Variants in DZANK1 observed in about 807,000 individuals in gnomAD.
DZANK1 encodes the protein double zinc ribbon and ankyrin repeat-containing protein 1.
A neutral mutation model predicts 94.5 loss-of-function variants in DZANK1; 91 were observed. That is an observed-to-expected ratio of 0.96 (90% CI 0.81 to 1.15). The LOEUF (loss-of-function observed/expected upper bound fraction) is 1.15, where lower values mean the gene tolerates loss of function less well. Ranked by LOEUF, DZANK1 falls within the 50% of genes most tolerant of loss-of-function variation. DZANK1 has a pLI of 0.00. For synonymous variants in DZANK1, 312 were observed against 325.3 expected, an observed-to-expected ratio of 0.96 and a Z score of 0.44; for missense variants, 903 against 916.4, an observed-to-expected ratio of 0.99 and a Z score of 0.19.
intron 13 of DZANK1, among the ~76,000 whole-genome samples, chr20:18,408,877 C>T (rs546447075): frequency 1.3e-5 from 2 of 152,310 alleles, no homozygotes; most frequent in South Asian, 4.1e-4. Flanking sequence ...TAGCATAACA[C>T]TGGCATTGTG....
chr20:18,417,913 C>T (rs2057568533), intron 10 of DZANK1, among the ~76,000 whole-genome samples: 1 of 151,994 alleles, frequency 6.6e-6, no homozygotes, highest in East Asian at 1.9e-4. Flanking sequence ...CGGTGAAACA[C>T]CATGTCTACT....
intron 3 of DZANK1, among the ~76,000 whole-genome samples, chr20:18,459,631 A>G (rs1052519152): frequency 6.6e-6 from 1 of 152,146 alleles, no homozygotes; most frequent in Non-Finnish European, 1.5e-5. Flanking sequence ...TAGTGTTTCT[A>G]TATTTGAAAA....
chr20:18,434,645 C>G (rs988921341), intron 8 of DZANK1, among the ~76,000 whole-genome samples: 1 of 150,054 alleles, frequency 6.7e-6, no homozygotes. Context: ...AGATAACAAA[C>G]AGAAGTTCCT....
At chr20:18,385,373 C>T (rs1017251051) in intron 19 of DZANK1, among the ~76,000 whole-genome samples, 5 of 151,464 alleles carry the variant, frequency 3.3e-5, no homozygotes, top group Admixed American at 6.6e-5. Context: ...TAATAAATAC[C>T]ATTGTTCTAA....
chr20:18,424,767 A>G (rs1443648632), intron 10 of DZANK1, among the ~76,000 whole-genome samples: 1 of 152,242 alleles, frequency 6.6e-6, no homozygotes, highest in Non-Finnish European at 1.5e-5. Context: ...CATGTAATGC[A>G]GCATTATTCA....
At chr20:18,417,023 A>G (rs2057523235) in intron 10 of DZANK1, among the ~76,000 whole-genome samples, 1 of 68,124 alleles carries the variant, frequency 1.5e-5, no homozygotes. Context: ...GATCAAAAAA[A>G]CAAAAAAAAA....
intron 8 of DZANK1, 82 bp downstream of exon 8, chr20:18,443,265 T>C: frequency 1.1e-6 from 1 of 907,134 alleles, no homozygotes; most frequent in Non-Finnish European, 1.8e-6. Context: ...GTGCAGTTCA[T>C]GTGTACCAAG....
chr20:18,423,514 T>C (rs932024413), intron 10 of DZANK1, among the ~76,000 whole-genome samples: 1 of 152,194 alleles, frequency 6.6e-6, no homozygotes, highest in Non-Finnish European at 1.5e-5. Flanking sequence ...TACGCAACAA[T>C]GACAGAACAC....
At chr20:18,391,585 A>C (rs1371356145) in intron 17 of DZANK1, among the ~76,000 whole-genome samples, 1 of 152,206 alleles carries the variant, frequency 6.6e-6, no homozygotes, top group Non-Finnish European at 1.5e-5. Context: ...CTTTATATAT[A>C]AAGAATTTCA....
At chr20:18,460,304 T>G (rs1403755083) in exon 3 of DZANK1, 1 of 1,515,580 alleles carries the variant, frequency 6.6e-7, no homozygotes, top group Non-Finnish European at 8.9e-7. Flanking sequence ...ACATCTGGAG[T>G]GTCTGAAAAA....
At chr20:18,449,522 A>C (rs1439969584) in intron 6 of DZANK1, among the ~76,000 whole-genome samples, 1 of 152,098 alleles carries the variant, frequency 6.6e-6, no homozygotes. Flanking sequence ...ACCATGAGAC[A>C]GACCAGATTT....
At chr20:18,424,850 T>C (rs1227009850) in intron 10 of DZANK1, among the ~76,000 whole-genome samples, 9 of 151,810 alleles carry the variant, frequency 5.9e-5, no homozygotes, top group Non-Finnish European at 1.3e-4. Flanking sequence ...TGAGGAATAG[T>C]ACTCAACAAT....
chr20:18,396,678 G>A, intron 14 of DZANK1, 132 bp from the exon 15 acceptor site: 3 of 562,272 alleles, frequency 5.3e-6, no homozygotes, highest in South Asian at 3.0e-5. Context: ...AAGAAAGTAG[G>A]AAAAGAAAAA....
chr20:18,449,798 G>A (rs2059028888), intron 6 of DZANK1, among the ~76,000 whole-genome samples: 1 of 149,430 alleles, frequency 6.7e-6, no homozygotes, highest in Admixed American at 6.7e-5. Flanking sequence ...AATAAACTCG[G>A]CTGGGCACAG....
rs567884295 is a variant in DZANK1 at position 18,416,260 on chromosome 20, T to C, written c.955-811A>G. Among the ~76,000 whole-genome samples the C allele has an allele frequency of 5.3e-5, 8 of 152,278 alleles. No homozygotes were observed. In the South Asian group the frequency reaches 1.5e-3, roughly 28 times the overall value. Reference sequence around the variant, plus strand: ...ACTCCATACAGCCCCTTCAATACAATAGCTTACTCCCAGGTCTGTAGGGAG... The same window carrying C: ...ACTCCATACAGCCCCTTCAATACAACAGCTTACTCCCAGGTCTGTAGGGAG... On this transcript the variant is annotated intron_variant, in intron 10 of 20. Transcript: ENST00000262547.
exon 18 of DZANK1, chr20:18,390,452 T>C: frequency 6.2e-7 from 1 of 1,613,874 alleles, no homozygotes; most frequent in South Asian, 1.1e-5. Context: ...CAGGAGTCTG[T>C]TTTCAGGCTG....
At chr20:18,453,448 C>T (rs770307491) in intron 5 of DZANK1, among the ~76,000 whole-genome samples, 7 of 152,134 alleles carry the variant, frequency 4.6e-5, no homozygotes, top group Non-Finnish European at 7.4e-5. Flanking sequence ...TCCACCCTTC[C>T]CCCAAACCCT....
At chr20:18,451,628 T>C (rs1039495939) in intron 6 of DZANK1, among the ~76,000 whole-genome samples, 2 of 152,158 alleles carry the variant, frequency 1.3e-5, no homozygotes, top group African/African-American at 4.8e-5. Context: ...TCCAACAATC[T>C]ACTCAACACC....
At chr20:18,456,640 GA>G (rs1189797200) in intron 3 of DZANK1, among the ~76,000 whole-genome samples, 1 of 151,948 alleles carries the variant, frequency 6.6e-6, no homozygotes, top group Non-Finnish European at 1.5e-5. Context: ...GTCTTTTCTA[GA>G]AATTTAACAT....
Sources: gnomAD v4.1 joint callset for allele counts (sites outside exome capture counted in the v4.1 genomes callset) on GRCh38, gnomAD v4.1.1 for gene constraint, MANE v1.5 for transcripts, NCBI Gene and HGNC (gene_info 2026-07-23, HGNC 2026-07-21) for gene names.